The following NRG4 variants were observed in gnomAD, a reference collection of about 807,000 sequenced individuals.
The protein encoded by NRG4 is neuregulin 4, also known as pro-neuregulin-4, membrane-bound isoform.
Under a neutral mutation model 15.0 loss-of-function variants are expected in NRG4, and 10 were observed. The ratio of observed to expected loss-of-function variants is 0.67; its 90% confidence interval spans 0.41 to 1.13. The LOEUF is 1.13. NRG4 is among the 50% of genes most tolerant of loss of function. NRG4 has a pLI of 0.00. For missense variants in NRG4, 139 were observed against 140.2 expected, an observed-to-expected ratio of 0.99 and a Z score of 0.04; for synonymous variants, 41 against 50.1, an observed-to-expected ratio of 0.82 and a Z score of 0.77.
intron 3 of NRG4, among the ~76,000 whole-genome samples, chr15:75,985,834 T>A (rs905343028): frequency 6.6e-6 from 1 of 152,106 alleles, no homozygotes; most frequent in Non-Finnish European, 1.5e-5. Flanking sequence ...ATGGCCAAAA[T>A]TTATCAAGAA....
intron 1 of NRG4, among the ~76,000 whole-genome samples, chr15:76,057,416 G>C (rs1419215870): frequency 6.6e-6 from 1 of 152,140 alleles, no homozygotes; most frequent in Non-Finnish European, 1.5e-5. Flanking sequence ...AGTGAGATCT[G>C]TGGCAGATCT....
At chr15:75,984,625 C>A (rs185486279) in intron 3 of NRG4, among the ~76,000 whole-genome samples, 33 of 152,054 alleles carry the variant, frequency 2.2e-4, no homozygotes, top group Admixed American at 1.9e-3. Flanking sequence ...CATCACACAC[C>A]AGGGCCTACT....
chr15:75,957,960 T>C (rs758232576), intron 4 of NRG4, among the ~76,000 whole-genome samples: 27 of 152,188 alleles, frequency 1.8e-4, no homozygotes, highest in Non-Finnish European at 1.3e-4. Context: ...GAGATCTGTT[T>C]TAGTCTTTGC....
intron 5 of NRG4, among the ~76,000 whole-genome samples, chr15:76,026,998 TGTA>T (rs900508410): frequency 2.6e-5 from 4 of 152,084 alleles, no homozygotes; most frequent in African/African-American, 9.7e-5. Context: ...GGCGGGTGCC[TGTA>T]GTCCTAGCTA....
intron 3 of NRG4, among the ~76,000 whole-genome samples, chr15:75,964,183 T>C (rs2032677243): frequency 6.6e-6 from 1 of 151,994 alleles, no homozygotes; most frequent in Non-Finnish European, 1.5e-5. Flanking sequence ...CAATAGAAAG[T>C]TGACATAGAG....
chr15:76,050,891 G>C (rs968278644), intron 4 of NRG4, among the ~76,000 whole-genome samples: 2 of 149,602 alleles, frequency 1.3e-5, no homozygotes, highest in African/African-American at 5.0e-5. Context: ...CTGCAGCCTC[G>C]AACTCCTGGG....
intron 2 of NRG4, among the ~76,000 whole-genome samples, chr15:76,054,309 T>G (rs1242830756): frequency 6.6e-6 from 1 of 151,280 alleles, no homozygotes; most frequent in Non-Finnish European, 1.5e-5. Flanking sequence ...CAGTCTGATC[T>G]TGAACTCCTT....
intron 5 of NRG4, among the ~76,000 whole-genome samples, chr15:76,032,358 T>G (rs955266366): frequency 6.6e-6 from 1 of 152,098 alleles, no homozygotes. Flanking sequence ...TAGAGACCAT[T>G]AGATCTCAAT....
In NRG4 at chr15:75,942,895, C is replaced by T. The variant is rs2141755669; in HGVS notation, c.*743G>A. 1 of 152,162 alleles carries T rather than the reference C, an allele frequency of 6.6e-6. No individual in the cohort carries two copies. The highest frequency in any genetic ancestry group is 6.5e-5 in the Admixed American group (1 of 15,294). 9.4% of individuals were successfully genotyped at this position (152,162 alleles called of 1,614,324 possible). ...GACCTAATCAGTTCTTAATATTGCA[C>T]CTAAAAAGATAGAAACTGCATTCTG... is the stretch of plus-strand genomic sequence containing the variant. On this transcript the variant is annotated 3_prime_UTR_variant, in exon 6 of 6. Transcript: ENST00000394907.
chr15:76,015,461 T>A (rs932848156), upstream of NRG4, among the ~76,000 whole-genome samples: 2 of 152,262 alleles, frequency 1.3e-5, no homozygotes, highest in African/African-American at 4.8e-5. Flanking sequence ...CCATTCAGTA[T>A]GATATTGGCT....
chr15:75,998,876 C>A (rs2034304871), intron 3 of NRG4, among the ~76,000 whole-genome samples: 1 of 151,890 alleles, frequency 6.6e-6, no homozygotes, highest in East Asian at 1.9e-4. Context: ...GGGAATTTAT[C>A]AATTTAATTT....
In NRG4 at chr15:76,011,242, A is replaced by T; in HGVS notation, c.-12T>A. 6.9e-7 allele frequency: 1 copy of T among 1,452,762 alleles called. No homozygotes were observed. The highest frequency in any genetic ancestry group is 9.1e-7 in the Non-Finnish European group (1 of 1,094,892). The allele number at this position is 1,452,762 out of a possible 1,614,324, so 90.0% of individuals were successfully genotyped here. ...TTACCTGTTGGCATCTTAATTTGTA[A>T]ATAGTTTCATTCTTGGTCAAGAGAG... On this transcript the variant is annotated 5_prime_UTR_variant, in exon 2 of 6. Coordinates refer to ENST00000394907, the MANE Select transcript of NRG4 (RefSeq NM_138573.4).
chr15:75,965,239 GA>G (rs2032743155), intron 3 of NRG4, among the ~76,000 whole-genome samples: 1 of 151,798 alleles, frequency 6.6e-6, no homozygotes. Context: ...AAAAATCAAA[GA>G]AAAAAAGATA....
At chr15:75,955,073 C>T (rs915958955) in intron 5 of NRG4, among the ~76,000 whole-genome samples, 22 of 152,132 alleles carry the variant, frequency 1.4e-4, no homozygotes, top group Admixed American at 6.5e-5. Flanking sequence ...TACTGGGCAC[C>T]TCTAATCCTT....
At chr15:75,950,247 A>T (rs973758285) in intron 5 of NRG4, among the ~76,000 whole-genome samples, 9 of 152,138 alleles carry the variant, frequency 5.9e-5, no homozygotes, top group African/African-American at 1.9e-4. Context: ...TAATTTTTTT[A>T]AATTTCCATA....
At chr15:75,940,752 A>G (rs937925335), downstream of NRG4, 2 of 144,446 alleles carry the variant, frequency 1.4e-5, no homozygotes, top group African/African-American at 5.1e-5. Context: ...TTTTTCAACA[A>G]ATAATGATGG....
At chr15:76,027,819 A>G (rs2035356102) in intron 5 of NRG4, among the ~76,000 whole-genome samples, 2 of 152,344 alleles carry the variant, frequency 1.3e-5, no homozygotes, top group South Asian at 4.1e-4. Flanking sequence ...AAATTGAAAT[A>G]TCAAGTAACT....
intron 5 of NRG4, among the ~76,000 whole-genome samples, chr15:76,025,489 T>C (rs2035288070): frequency 6.6e-6 from 1 of 152,034 alleles, no homozygotes; most frequent in South Asian, 2.1e-4. Context: ...AAAAATTGAC[T>C]ATTTAGATAA....
At chr15:76,026,597 T>C (rs1054913791) in intron 5 of NRG4, among the ~76,000 whole-genome samples, 2 of 152,116 alleles carry the variant, frequency 1.3e-5, no homozygotes, top group African/African-American at 4.8e-5. Flanking sequence ...AACATGAAAC[T>C]ATTCAACTCA....
Sources: gnomAD v4.1 joint callset for allele counts (sites outside exome capture counted in the v4.1 genomes callset) on GRCh38, gnomAD v4.1.1 for gene constraint, MANE v1.5 for transcripts, NCBI Gene and HGNC (gene_info 2026-07-23, HGNC 2026-07-21) for gene names.